The following KAZN variants were observed in gnomAD, a reference collection of about 807,000 sequenced individuals.
KAZN encodes kazrin, periplakin interacting protein.
Under a neutral mutation model 87.4 loss-of-function variants are expected in KAZN, and 40 were observed. That is an observed-to-expected ratio of 0.46 (90% CI 0.36 to 0.60). The LOEUF is 0.60. Ranked by LOEUF, KAZN falls within the 20% of genes least tolerant of loss-of-function variation. The pLI is 0.00. For synonymous variants in KAZN, 466 were observed against 458.3 expected (o/e 1.02, Z -0.22); for missense variants, 898 against 1,073.9 (o/e 0.84, Z 2.29).
At chr1:13,986,039 G>GT (rs1638999939) in intron 1 of KAZN, among the ~76,000 whole-genome samples, 1 of 152,184 alleles carries the variant, frequency 6.6e-6, no homozygotes, top group African/African-American at 2.4e-5. Context: ...TAGCAGTGAA[G>GT]TTCCTGGGTC....
chr1:14,778,547 G>A (rs890095558), intron 1 of KAZN, among the ~76,000 whole-genome samples: 7 of 152,066 alleles, frequency 4.6e-5, no homozygotes, highest in African/African-American at 1.7e-4. Context: ...CAGTCCATTG[G>A]GAAGCTTAGG....
intron 2 of KAZN, among the ~76,000 whole-genome samples, chr1:14,392,231 T>A (rs1273211359): frequency 1.3e-5 from 2 of 152,224 alleles, no homozygotes; most frequent in African/African-American, 4.8e-5. Flanking sequence ...AAAATCCTTA[T>A]GTCTTTGTCA....
intron 2 of KAZN, among the ~76,000 whole-genome samples, chr1:14,228,998 T>G (rs1647552672): frequency 6.6e-6 from 1 of 152,238 alleles, no homozygotes; most frequent in Admixed American, 6.5e-5. Context: ...CAGGAGAGCT[T>G]TGAAGATCTG....
intron 2 of KAZN, among the ~76,000 whole-genome samples, chr1:14,311,139 G>A (rs1299374844): frequency 6.6e-6 from 1 of 152,170 alleles, no homozygotes; most frequent in Non-Finnish European, 1.5e-5. Flanking sequence ...TGAGTTGCAG[G>A]TCCAGCCTTC....
At chr1:14,551,171 T>C (rs1044865129) in intron 2 of KAZN, among the ~76,000 whole-genome samples, 1 of 152,080 alleles carries the variant, frequency 6.6e-6, no homozygotes, top group Non-Finnish European at 1.5e-5. Flanking sequence ...GCAGTCAACT[T>C]CAGACACACT....
chr1:14,590,719 C>T (rs1676142474), intron 2 of KAZN, among the ~76,000 whole-genome samples: 1 of 152,156 alleles, frequency 6.6e-6, no homozygotes, highest in African/African-American at 2.4e-5. Flanking sequence ...ATCTCCATCA[C>T]CGATAACATC....
chr1:14,404,229 C>T (rs12031559), intron 2 of KAZN, among the ~76,000 whole-genome samples: 20,955 of 152,120 alleles, frequency 0.14, 1,564 homozygotes, highest in East Asian at 0.23. Flanking sequence ...AAAGGGAAGA[C>T]GGAGACTCCA....
At chr1:14,707,559 A>G (rs1642274525) in intron 1 of KAZN, among the ~76,000 whole-genome samples, 1 of 151,834 alleles carries the variant, frequency 6.6e-6, no homozygotes, top group Non-Finnish European at 1.5e-5. Context: ...ATTTCCTTTC[A>G]TTTCCCAACG....
At chr1:14,962,514 C>T (rs1234578437) in intron 2 of KAZN, among the ~76,000 whole-genome samples, 1 of 152,018 alleles carries the variant, frequency 6.6e-6, no homozygotes, top group African/African-American at 2.4e-5. Context: ...ATCCTCCACG[C>T]CCAGCTTCCC....
Position 15,021,957 on chromosome 1 carries a change from C to A in KAZN, c.419-12792C>A, listed in dbSNP as rs12729478. On this transcript the variant is annotated intron_variant, in intron 2 of 14. Transcript: ENST00000376030. The surrounding 1 kb of genome is among the most constrained non-coding windows in gnomAD (Gnocchi z 4.2). ...CTTACATGGTGGCAGCAAGATAGAG[C>A]ATGAGAGCCAGGGGAAAACCATCAG... Among the ~76,000 whole-genome samples, 53,853 of 151,964 alleles carry A rather than the reference C, an allele frequency of 0.35. 9,800 individuals carry two copies. Among genetic ancestry groups the A allele is most frequent in the Middle Eastern group, 0.42 (124 of 292 alleles).
In KAZN at chr1:14,538,617, A is replaced by C. The variant is rs1299935186; in HGVS notation, c.250-60366A>C. ...GCCCTATTGGCCTAACCACCTCTTAAAGACCCCTCCTCTTAATGCTGTCAT... is the reference window on the plus strand; with the variant it reads ...GCCCTATTGGCCTAACCACCTCTTACAGACCCCTCCTCTTAATGCTGTCAT... On this transcript the variant is annotated intron_variant, in intron 2 of 16. Coordinates refer to the KAZN transcript ENST00000636203. Among the ~76,000 whole-genome samples, 6 of 152,182 alleles carry C rather than the reference A, an allele frequency of 3.9e-5. 1 individual carries two copies. Among genetic ancestry groups the C allele is most frequent in the Admixed American group, 3.9e-4 (6 of 15,276 alleles).
chr1:13,914,338 A>T (rs946448978), intron 1 of KAZN, among the ~76,000 whole-genome samples: 1 of 152,218 alleles, frequency 6.6e-6, no homozygotes, highest in African/African-American at 2.4e-5. Context: ...CCTCAACTGT[A>T]ACATGGGGAT....
chr1:14,145,206 G>C (rs764025197), intron 1 of KAZN, among the ~76,000 whole-genome samples: 1 of 152,086 alleles, frequency 6.6e-6, no homozygotes, highest in Non-Finnish European at 1.5e-5. Context: ...ACTTTGGGAG[G>C]CCAAGGTGGG....
At chr1:14,214,777 T>C (rs1646925018) in intron 2 of KAZN, among the ~76,000 whole-genome samples, 2 of 152,208 alleles carry the variant, frequency 1.3e-5, no homozygotes, top group African/African-American at 4.8e-5. Context: ...ATTTGGATAG[T>C]GGAGCTGGGG....
chr1:14,182,314 G>A (rs1220334001), intron 2 of KAZN, among the ~76,000 whole-genome samples: 1 of 152,078 alleles, frequency 6.6e-6, no homozygotes, highest in Non-Finnish European at 1.5e-5. Context: ...CCTGAAGGTA[G>A]GTGTCTACCT....
At chr1:14,929,521 C>G (rs1659560284) in intron 1 of KAZN, among the ~76,000 whole-genome samples, 1 of 152,178 alleles carries the variant, frequency 6.6e-6, no homozygotes, top group African/African-American at 2.4e-5. Context: ...GGGTTAGCCT[C>G]CCTCATCTGT....
At chr1:14,730,749 A>G (rs758526303) in intron 1 of KAZN, among the ~76,000 whole-genome samples, 6 of 152,164 alleles carry the variant, frequency 3.9e-5, no homozygotes, top group Non-Finnish European at 7.3e-5. Context: ...CCTGAGAATT[A>G]AGGCCCAGAG....
chr1:14,834,062 G>T (rs756356404), intron 1 of KAZN, among the ~76,000 whole-genome samples: 1 of 151,792 alleles, frequency 6.6e-6, no homozygotes, highest in Non-Finnish European at 1.5e-5. Flanking sequence ...TTGAGATGGA[G>T]TCTCACTCTG....
intron 2 of KAZN, among the ~76,000 whole-genome samples, chr1:14,221,051 C>T (rs1647085524): frequency 6.6e-6 from 1 of 152,058 alleles, no homozygotes; most frequent in Non-Finnish European, 1.5e-5. Flanking sequence ...AGTTCCTGCC[C>T]CCAAGGAGTT....
Sources: allele counts gnomAD v4.1 joint callset (sites outside exome capture counted in the v4.1 genomes callset), GRCh38; gene constraint gnomAD v4.1.1; non-coding constraint Gnocchi (gnomAD v3.1); transcripts MANE v1.5; gene names NCBI Gene and HGNC (gene_info 2026-07-23, HGNC 2026-07-21).